KLF12: variants seen among roughly 807,000 people sequenced by gnomAD.
KLF12 encodes KLF transcription factor 12.
In KLF12, 9 loss-of-function variants were observed where a neutral mutation model predicts 37.8. The ratio of observed to expected loss-of-function variants is 0.24; its 90% confidence interval spans 0.14 to 0.42. The LOEUF is 0.42. Among genes scored for constraint, KLF12 ranks in the 10% least tolerant of loss-of-function variants. The pLI is 1.00. For synonymous variants in KLF12, 208 were observed against 202.1 expected, an observed-to-expected ratio of 1.03 and a Z score of -0.25; for missense variants, 411 against 516.0, an observed-to-expected ratio of 0.80 and a Z score of 1.97.
intron 1 of KLF12, among the ~76,000 whole-genome samples, chr13:74,070,649 A>G (rs1874179309): frequency 1.3e-5 from 2 of 152,174 alleles, no homozygotes; most frequent in South Asian, 4.1e-4. Flanking sequence ...GAAGCTGATA[A>G]GAGTTCTTGA....
At chr13:74,198,373 T>C in the KLF12 span, among the ~76,000 whole-genome samples, 1 of 152,158 alleles carries the variant, frequency 6.6e-6, no homozygotes, top group Non-Finnish European at 1.5e-5. Flanking sequence ...TCCTGGGCAC[T>C]ACCTGGGAAG....
At chr13:74,226,514 T>C in the KLF12 span, among the ~76,000 whole-genome samples, 3 of 152,276 alleles carry the variant, frequency 2.0e-5, no homozygotes, top group African/African-American at 7.2e-5. Context: ...TATGAATCTC[T>C]GCTGGGCAGA....
chr13:73,960,661 T>G (rs1890995776), intron 2 of KLF12, among the ~76,000 whole-genome samples: 3 of 152,176 alleles, frequency 2.0e-5, no homozygotes, highest in Admixed American at 2.0e-4. Flanking sequence ...ATACAAAACT[T>G]AAAAATATGC....
intron 3 of KLF12, among the ~76,000 whole-genome samples, chr13:73,912,442 G>A (rs1421805298): frequency 6.6e-6 from 1 of 152,154 alleles, no homozygotes; most frequent in African/African-American, 2.4e-5. Flanking sequence ...GGAAGACGGT[G>A]GGCCCTGAAT....
chr13:73,686,682 T>C lies in KLF12; in HGVS notation c.*8808A>G, dbSNP rs939363212. 3.9e-5 allele frequency: 6 copies of C among 152,270 alleles called. No individual in the cohort carries two copies. The highest frequency in any genetic ancestry group is 1.4e-4 in the African/African-American group (6 of 41,442). 9.4% of individuals were successfully genotyped at this position (152,270 alleles called of 1,614,324 possible). ...AGGACCTCCTCTGGGCACTCTTAAC[T>C]CCCTGGGGTCAGAGACCCAAGAGTG... is the stretch of plus-strand genomic sequence containing the variant. On this transcript the variant is annotated 3_prime_UTR_variant, in exon 8 of 8. Transcript: ENST00000377669.
chr13:73,922,107 ATTAAT>A (rs1889144121), intron 3 of KLF12, among the ~76,000 whole-genome samples: 2 of 152,022 alleles, frequency 1.3e-5, no homozygotes, highest in African/African-American at 4.8e-5. Flanking sequence ...ATTTAACTGA[ATTAAT>A]TTATTGTCTA....
At chr13:74,273,213 G>A in the KLF12 span, among the ~76,000 whole-genome samples, 3 of 152,206 alleles carry the variant, frequency 2.0e-5, no homozygotes, top group East Asian at 1.9e-4. Flanking sequence ...CAGAAACAAT[G>A]CCAGATTTTG....
At chr13:74,218,357 C>A in the KLF12 span, among the ~76,000 whole-genome samples, 1 of 152,106 alleles carries the variant, frequency 6.6e-6, no homozygotes, top group Non-Finnish European at 1.5e-5. Flanking sequence ...TTGATTAGTG[C>A]AGTTTTGTTT....
intron 2 of KLF12, among the ~76,000 whole-genome samples, chr13:73,947,648 CAAAAAAA>C (rs11378611): frequency 2.3e-5 from 2 of 85,900 alleles, no homozygotes; most frequent in African/African-American, 4.8e-5. Flanking sequence ...GAGACGGTCT[CAAAAAAA>C]AAAAAAAAAA....
chr13:74,035,281 T>C (rs1893219005), intron 1 of KLF12, among the ~76,000 whole-genome samples: 1 of 152,218 alleles, frequency 6.6e-6, no homozygotes, highest in South Asian at 2.1e-4. Flanking sequence ...GCTACATACA[T>C]AGTTGTGCTG....
chr13:74,150,538 T>C, the KLF12 span, among the ~76,000 whole-genome samples: 19 of 152,232 alleles, frequency 1.2e-4, no homozygotes, highest in Admixed American at 1.2e-3. Flanking sequence ...TCTTCACAAT[T>C]TCATGGATAG....
At chr13:73,845,466 A>C (rs1367239492) in intron 4 of KLF12, among the ~76,000 whole-genome samples, 1 of 152,236 alleles carries the variant, frequency 6.6e-6, no homozygotes, top group Non-Finnish European at 1.5e-5. Flanking sequence ...TACAATTCAT[A>C]ATCAGTAATT....
At chr13:73,950,574 C>T (rs1050128517) in intron 2 of KLF12, among the ~76,000 whole-genome samples, 1 of 152,148 alleles carries the variant, frequency 6.6e-6, no homozygotes, top group Non-Finnish European at 1.5e-5. Context: ...TCTACTTGCC[C>T]GTCATTCCAT....
chr13:73,866,519 A>G (rs1176987293), intron 3 of KLF12, among the ~76,000 whole-genome samples: 1 of 152,210 alleles, frequency 6.6e-6, no homozygotes, highest in Admixed American at 6.5e-5. Context: ...TTGAAGAGTT[A>G]CTTCTCAACA....
At chr13:74,154,713 T>C in the KLF12 span, among the ~76,000 whole-genome samples, 1 of 152,164 alleles carries the variant, frequency 6.6e-6, no homozygotes, top group Non-Finnish European at 1.5e-5. Flanking sequence ...GACGGTCCCA[T>C]CACTGGGCCA....
At chr13:73,825,084 T>A (rs960598669) in intron 4 of KLF12, among the ~76,000 whole-genome samples, 14 of 150,760 alleles carry the variant, frequency 9.3e-5, no homozygotes, top group Admixed American at 2.6e-4. Context: ...AAAAAAACAA[T>A]AGAAATATGC....
chr13:74,104,873 C>T (rs543232202), intron 1 of KLF12, among the ~76,000 whole-genome samples: 1 of 152,190 alleles, frequency 6.6e-6, no homozygotes, highest in East Asian at 1.9e-4. Context: ...GTAATCATTA[C>T]CAAAATTGGG....
intron 1 of KLF12, among the ~76,000 whole-genome samples, chr13:74,083,240 C>T (rs1875021998): frequency 6.6e-6 from 1 of 152,160 alleles, no homozygotes; most frequent in Admixed American, 6.5e-5. Flanking sequence ...AGGCCGGGCG[C>T]AGTGGCTCAC....
chr13:73,904,186 TCA>T (rs1395126470), intron 3 of KLF12, among the ~76,000 whole-genome samples: 1 of 152,194 alleles, frequency 6.6e-6, no homozygotes, highest in Non-Finnish European at 1.5e-5. Context: ...TTTTAAAAAG[TCA>T]CATTTAAAGG....
Sources: allele counts gnomAD v4.1 joint callset (sites outside exome capture counted in the v4.1 genomes callset), GRCh38; gene constraint gnomAD v4.1.1; transcripts MANE v1.5; gene names NCBI Gene and HGNC (gene_info 2026-07-23, HGNC 2026-07-21).